EPHB3: variants seen among roughly 807,000 people sequenced by gnomAD.
EPHB3 encodes ephrin type-B receptor 3.
EPHB3 carries 33 observed loss-of-function variants against 100.2 expected under a neutral mutation model. That is an observed-to-expected ratio of 0.33 (90% CI 0.25 to 0.44). EPHB3 has a LOEUF of 0.44. EPHB3 is among the 20% of genes least tolerant of loss of function. EPHB3 has a pLI of 1.00. For synonymous variants in EPHB3, 526 were observed against 554.7 expected, an observed-to-expected ratio of 0.95 and a Z score of 0.73; for missense variants, 1,045 against 1,378.3, an observed-to-expected ratio of 0.76 and a Z score of 3.83.
At position 184,580,502 on chromosome 3, in the gene EPHB3, A is replaced by G. The variant is rs1212017391; in HGVS notation, c.2273A>G (p.Asp758Gly). 1 of 1,614,180 alleles carries G rather than the reference A, an allele frequency of 6.2e-7. No homozygotes were observed. Among genetic ancestry groups the G allele is most frequent in the East Asian group, 2.2e-5 (1 of 44,868 alleles). Residue 758 changes from aspartate to glycine, a missense_variant, in exon 12 of 16, where the codon GAC becomes GGC. Asp to Gly is a moderately conservative substitution (Grantham distance 94). Around this residue, in one of 2 missense-constraint regions of EPHB3, gnomAD observed 985 missense variants for 1,331.1 expected, o/e 0.74. Coordinates refer to ENST00000330394, the MANE Select transcript of EPHB3 (RefSeq NM_004443.4). ...YLSEMNYVHR[D>G]LAARNILVNS... ...TCCGAGATGAACTATGTGCACCGCG[A>G]CCTGGCTGCTCGCAACATCCTTGTC...
At chr3:184,564,037 C>G (rs911923879) in intron 1 of EPHB3, among the ~76,000 whole-genome samples, 13 of 152,222 alleles carry the variant, frequency 8.5e-5, no homozygotes, top group African/African-American at 3.1e-4. Flanking sequence ...ACCCTCATCA[C>G]CTACTGGACC....
At chr3:184,580,353 T>C (rs370418120) in intron 11 of EPHB3, 49 bp from the exon 12 acceptor site, 3 of 1,611,220 alleles carry the variant, frequency 1.9e-6, no homozygotes, top group Non-Finnish European at 2.5e-6. Context: ...GGGCAGGCCA[T>C]GGGCTGATGG....
chr3:184,579,968 C>T lies in EPHB3; in HGVS notation c.2172+34C>T, dbSNP rs770901931. On this transcript the variant is annotated intron_variant, in intron 11 of 15. Coordinates refer to ENST00000330394, the MANE Select transcript of EPHB3 (RefSeq NM_004443.4). This position sits in a 1 kb window ranked among gnomAD's most constrained non-coding sequence, Gnocchi z 5.2. ...CAGCCCCCAGGCCCTCTCCCTCCCC[C>T]AGAGAGTTGGATTGGGCTCACCATC... The T allele has an allele frequency of 6.3e-7, 1 of 1,598,162 alleles. No homozygotes were observed. The highest frequency in any genetic ancestry group is 8.5e-7 in the Non-Finnish European group (1 of 1,172,770).
rs764433518 is a variant in EPHB3 at position 184,577,833 on chromosome 3, C to T, written c.1639+16C>T. 1.2e-5 allele frequency: 19 copies of T among 1,605,350 alleles called. No individual in the cohort carries two copies. In the East Asian group the frequency reaches 1.3e-4, roughly 11 times the overall value. ...AGTGAGAGAGGTTAGTAGCCCCCTG[C>T]GCCTGTCCCCATCGCGGCCCTCACT... On this transcript the variant is annotated intron_variant, in intron 7 of 15. Coordinates refer to ENST00000330394, the MANE Select transcript of EPHB3 (RefSeq NM_004443.4). This position sits in a 1 kb window ranked among gnomAD's most constrained non-coding sequence, Gnocchi z 4.9.
intron 4 of EPHB3, 78 bp downstream of exon 4, chr3:184,576,063 C>T: frequency 6.7e-7 from 1 of 1,488,624 alleles, no homozygotes; most frequent in Non-Finnish European, 9.0e-7. Context: ...TAAGCAGTCA[C>T]TATGAATAGC....
chr3:184,570,150 G>A (rs1714504085), intron 1 of EPHB3, among the ~76,000 whole-genome samples: 1 of 152,176 alleles, frequency 6.6e-6, no homozygotes, highest in Non-Finnish European at 1.5e-5. Flanking sequence ...AAAGCCCCTG[G>A]CCCTAGATGC....
chr3:184,578,658 C>T lies in EPHB3; in HGVS notation c.1801+192C>T, dbSNP rs1714744832. ...TGGGCCCCTACTCACTCCTGCTAGC[C>T]CCAGAAATGACTGAGACGTGACCTC... On this transcript the variant is annotated intron_variant, in intron 9 of 15. Transcript: ENST00000330394. The surrounding 1 kb of genome is among the most constrained non-coding windows in gnomAD (Gnocchi z 4.7). Among the ~76,000 whole-genome samples, 1 of 152,112 alleles carries T rather than the reference C, an allele frequency of 6.6e-6. No homozygotes were observed. The highest frequency in any genetic ancestry group is 2.4e-5 in the African/African-American group (1 of 41,412).
rs189897012 is a variant in EPHB3, at chr3:184,573,498, G to A, written c.856+322G>A. The stretch of plus-strand genomic sequence containing the variant: ...GCTTAGGAGGCTGGCAGAGATGCTC[G>A]CTTTGTCCCGGCCTGAGTGTATGCT... On this transcript the variant is annotated intron_variant, in intron 3 of 15. Coordinates refer to ENST00000330394, the MANE Select transcript of EPHB3 (RefSeq NM_004443.4). The surrounding 1 kb of genome is among the most constrained non-coding windows in gnomAD (Gnocchi z 4.5). 3.9e-5 allele frequency among the ~76,000 whole-genome samples: 6 copies of A among 152,306 alleles called. No individual in the cohort carries two copies. The highest frequency in any genetic ancestry group is 1.2e-4 in the African/African-American group (5 of 41,572).
In EPHB3 at chr3:184,565,320, A is replaced by G. The variant is rs1208739980; in HGVS notation, c.118+2967A>G. ...TGTTCCCCAGTTCCCCAAAGCCAAG[A>G]TTATTCTCCCCTCAGGACCATCAAC... is the stretch of plus-strand genomic sequence containing the variant. On this transcript the variant is annotated intron_variant, in intron 1 of 15. Coordinates refer to ENST00000330394, the MANE Select transcript of EPHB3 (RefSeq NM_004443.4). The surrounding 1 kb of genome is among the most constrained non-coding windows in gnomAD (Gnocchi z 4.8). 6.6e-6 allele frequency among the ~76,000 whole-genome samples: 1 copy of G among 152,122 alleles called. No homozygotes were observed. The highest frequency in any genetic ancestry group is 1.9e-4 in the East Asian group (1 of 5,184).
In EPHB3 at chr3:184,579,122, C is replaced by T. The variant is rs552402611; in HGVS notation, c.1802-355C>T. 3.3e-5 allele frequency among the ~76,000 whole-genome samples: 5 copies of T among 152,052 alleles called. No homozygotes were observed. Among genetic ancestry groups the T allele is most frequent in the Admixed American group, 2.6e-4 (4 of 15,278 alleles). On this transcript the variant is annotated intron_variant, in intron 9 of 15. Coordinates refer to ENST00000330394, the MANE Select transcript of EPHB3 (RefSeq NM_004443.4). This position sits in a 1 kb window ranked among gnomAD's most constrained non-coding sequence, Gnocchi z 5.2. ...TGAAAGGATTGTTTTAGGAAGACAG[C>T]GGTATGCAGGATAGCTCGGTGGGAA...
chr3:184,562,181 G>GCCGGCGCGGCCCGGC lies in EPHB3; in HGVS notation c.-39_-25dup, dbSNP rs1025719940. 4.6e-5 allele frequency: 15 copies of GCCGGCGCGGCCCGGC among 326,894 alleles called. No homozygotes were observed. The Admixed American group carries it at 4.8e-4, about 10-fold the overall frequency. The allele number at this position is 326,894 out of a possible 1,614,324, so 20.2% of individuals were successfully genotyped here. A position where few individuals can be genotyped will look rare whatever the true frequency, so the allele number is the denominator to read the frequency against. On this transcript the variant is annotated 5_prime_UTR_variant, in exon 1 of 16. Coordinates refer to ENST00000330394, the MANE Select transcript of EPHB3 (RefSeq NM_004443.4). The surrounding 1 kb of genome is among the most constrained non-coding windows in gnomAD (Gnocchi z 4.8). Reference sequence around the variant, plus strand: ...CCCTCTCTCGGGTGCCTGCAGCCCCGCCGGCGCGGCCCGGCCCGGCGCGGC... The same window carrying GCCGGCGCGGCCCGGC: ...CCCTCTCTCGGGTGCCTGCAGCCCCGCCGGCGCGGCCCGGCCCGGCGCGGCCCGGCCCGGCGCGGC...
intron 15 of EPHB3, 27 bp downstream of exon 15, chr3:184,581,435 C>T (rs1183089080): frequency 1.3e-6 from 2 of 1,583,820 alleles, no homozygotes; most frequent in East Asian, 2.2e-5. Flanking sequence ...TTTGGAGGAG[C>T]AGGGCAGGGG....
Position 184,577,246 on chromosome 3 carries a change from A to G in EPHB3, c.1354+63A>G, listed in dbSNP as rs1714699622. ...TTTCTCCTGGATGAGGTGTCCCAGG[A>G]CCTGCTAAGGGACCACTGGGGGTCC... On this transcript the variant is annotated intron_variant, in intron 5 of 15. Coordinates refer to ENST00000330394, the MANE Select transcript of EPHB3 (RefSeq NM_004443.4). The surrounding 1 kb of genome is among the most constrained non-coding windows in gnomAD (Gnocchi z 4.9). 1 of 1,576,958 alleles carries G rather than the reference A, an allele frequency of 6.3e-7. No individual in the cohort carries two copies. Among genetic ancestry groups the G allele is most frequent in the Non-Finnish European group, 8.6e-7 (1 of 1,159,990 alleles).
chr3:184,581,487 C>G (rs1714821071), intron 15 of EPHB3, 27 bp from the exon 16 acceptor site: 2 of 1,606,238 alleles, frequency 1.2e-6, no homozygotes, highest in Non-Finnish European at 1.7e-6. Context: ...AGGAAAGGGA[C>G]TGATCCTAAT....
chr3:184,572,412 C>A lies in EPHB3; in HGVS notation c.184-92C>A, dbSNP rs1200968268. 2.9e-6 allele frequency: 4 copies of A among 1,396,264 alleles called. No homozygotes were observed. The highest frequency in any genetic ancestry group is 2.4e-4 in the Middle Eastern group (1 of 4,134). 86.5% of individuals were successfully genotyped at this position (1,396,264 alleles called of 1,614,324 possible). On this transcript the variant is annotated intron_variant, in intron 2 of 15. Coordinates refer to ENST00000330394, the MANE Select transcript of EPHB3 (RefSeq NM_004443.4). This position sits in a 1 kb window ranked among gnomAD's most constrained non-coding sequence, Gnocchi z 6.6. ...CAGCCACTGCACACCATAGAAGCAT[C>A]CCTGTGAAGTAAATAGAGCAGATCT...
At chr3:184,567,601 G>A (rs1247562821) in intron 1 of EPHB3, among the ~76,000 whole-genome samples, 1 of 152,118 alleles carries the variant, frequency 6.6e-6, no homozygotes, top group Non-Finnish European at 1.5e-5. Flanking sequence ...CCTTTGCAGG[G>A]GCTGTGGCAT....
At position 184,580,457 on chromosome 3, in the gene EPHB3, C is replaced by T; in HGVS notation, c.2228C>T (p.Ala743Val). ...CTGGTGGGCATGTTGCGGGGCATTGCTGCCGGCATGAAGTACCTGTCCGAG... is the reference window on the plus strand; with the variant it reads ...CTGGTGGGCATGTTGCGGGGCATTGTTGCCGGCATGAAGTACCTGTCCGAG... The part of the protein sequence containing the change: ...IQLVGMLRGI[A>V]AGMKYLSEMN... Residue 743 changes from alanine to valine, a missense_variant, in exon 12 of 16, where the codon GCT becomes GTT. Coordinates refer to ENST00000330394, the MANE Select transcript of EPHB3 (RefSeq NM_004443.4). The T allele has an allele frequency of 1.2e-6, 2 of 1,614,218 alleles. No individual in the cohort carries two copies. Among genetic ancestry groups the T allele is most frequent in the Non-Finnish European group, 1.7e-6 (2 of 1,180,028 alleles).
Position 184,574,808 on chromosome 3 carries a change from G to T in EPHB3, c.857-1022G>T, listed in dbSNP as rs190835895. ...AGGTCCCCGGCAGGAAATGCATGCTGGTTCCCATAGCAACCAGGCTGGCCT... is the reference window on the plus strand; with the variant it reads ...AGGTCCCCGGCAGGAAATGCATGCTTGTTCCCATAGCAACCAGGCTGGCCT... On this transcript the variant is annotated intron_variant, in intron 3 of 15. Transcript: ENST00000330394. Among the ~76,000 whole-genome samples, 8 of 152,332 alleles carry T rather than the reference G, an allele frequency of 5.3e-5. No individual in the cohort carries two copies. In the East Asian group the frequency reaches 1.4e-3, roughly 26 times the overall value.
chr3:184,569,343 C>T lies in EPHB3; in HGVS notation c.119-1975C>T, dbSNP rs1174143540. Among the ~76,000 whole-genome samples, 1 of 152,134 alleles carries T rather than the reference C, an allele frequency of 6.6e-6. No homozygotes were observed. Among genetic ancestry groups the T allele is most frequent in the African/African-American group, 2.4e-5 (1 of 41,440 alleles). ...TGTCTCCTCGGGCCTCCGCGTCTCT[C>T]GGTCTCCCTGTCTTTGTAGTCAGCC... On this transcript the variant is annotated intron_variant, in intron 1 of 15. Transcript: ENST00000330394. This position sits in a 1 kb window ranked among gnomAD's most constrained non-coding sequence, Gnocchi z 5.4.
Sources: allele counts gnomAD v4.1 joint callset (sites outside exome capture counted in the v4.1 genomes callset), GRCh38; gene constraint gnomAD v4.1.1; regional missense constraint gnomAD v4.1.1; non-coding constraint Gnocchi (gnomAD v3.1); transcripts MANE v1.5; gene names NCBI Gene and HGNC (gene_info 2026-07-23, HGNC 2026-07-21).